The following TNPO3 variants were observed in gnomAD, a reference collection of about 807,000 sequenced individuals.
The protein encoded by TNPO3 is transportin 3, also known as transportin-3.
TNPO3 carries 65 observed loss-of-function variants against 122.8 expected under a neutral mutation model. The ratio of observed to expected loss-of-function variants is 0.53; its 90% CI spans 0.43 to 0.65. The LOEUF (loss-of-function observed/expected upper bound fraction) is 0.65, where lower values mean the gene tolerates loss of function less well. TNPO3 is among the 30% of genes least tolerant of loss of function. TNPO3 has a pLI of 0.00. For missense variants in TNPO3, 850 were observed against 1,136.7 expected, an observed-to-expected ratio of 0.75 and a Z score of 3.63; for synonymous variants, 372 against 411.2, an observed-to-expected ratio of 0.90 and a Z score of 1.15.
intron 1 of TNPO3, among the ~76,000 whole-genome samples, chr7:129,040,489 T>G (rs1031586326): frequency 3.9e-5 from 6 of 152,158 alleles, no homozygotes; most frequent in African/African-American, 1.4e-4. Context: ...GCTAGAGTAA[T>G]AGAATGTACT....
At chr7:128,956,898 A>G (rs540615285) in intron 22 of TNPO3, among the ~76,000 whole-genome samples, 2 of 152,250 alleles carry the variant, frequency 1.3e-5, no homozygotes, top group Admixed American at 1.3e-4. Context: ...AAAAATACTT[A>G]TTTGTTTGTT....
chr7:128,961,367 C>T (rs1797436577), intron 21 of TNPO3, among the ~76,000 whole-genome samples: 1 of 152,040 alleles, frequency 6.6e-6, no homozygotes, highest in Non-Finnish European at 1.5e-5. Context: ...CTACAGTATT[C>T]AGTACAGTAA....
At chr7:128,972,733 AT>A (rs1293056513) in intron 18 of TNPO3, 151 bp from the exon 19 acceptor site, 36 of 657,062 alleles carry the variant, frequency 5.5e-5, no homozygotes, top group South Asian at 8.1e-5. Context: ...AACATAGAGG[AT>A]TTTTTTTGGC....
chr7:129,021,732 A>T (rs553987183), intron 1 of TNPO3, among the ~76,000 whole-genome samples: 4 of 152,210 alleles, frequency 2.6e-5, no homozygotes, highest in Admixed American at 6.5e-5. Flanking sequence ...AACCTAGCCT[A>T]TTACTTCAAA....
chr7:129,032,656 A>G (rs1806082914), intron 1 of TNPO3, among the ~76,000 whole-genome samples: 1 of 152,236 alleles, frequency 6.6e-6, no homozygotes, highest in Non-Finnish European at 1.5e-5. Flanking sequence ...CAAGGAGACA[A>G]AAGACTTGTA....
intron 21 of TNPO3, among the ~76,000 whole-genome samples, chr7:128,961,008 G>A (rs10237174): frequency 0.013 from 2,055 of 152,230 alleles, 32 homozygotes; most frequent in African/African-American, 0.047. Context: ...TGATCTGCCT[G>A]CCTCGGCCTC....
chr7:128,991,968 G>A (rs1210350262), intron 10 of TNPO3, 31 bp downstream of exon 10: 2 of 1,463,456 alleles, frequency 1.4e-6, no homozygotes, highest in Non-Finnish European at 1.9e-6. Context: ...GATATTTAGA[G>A]TTCCCAGCAA....
intron 1 of TNPO3, among the ~76,000 whole-genome samples, chr7:129,052,113 G>A (rs147891169): frequency 1.3e-5 from 2 of 152,300 alleles, no homozygotes; most frequent in East Asian, 3.9e-4. Flanking sequence ...ATATTTTCCA[G>A]ATCCACTTTT....
chr7:129,002,086 C>T lies in TNPO3; in HGVS notation c.697-852G>A, dbSNP rs112459012. 5.5e-3 allele frequency among the ~76,000 whole-genome samples: 834 copies of T among 152,266 alleles called. 13 individuals are homozygous for T. Among genetic ancestry groups the T allele is most frequent in the African/African-American group, 0.019 (799 of 41,554 alleles). On this transcript the variant is annotated intron_variant, in intron 5 of 22. Transcript: ENST00000265388. ...TCAGAGTTCTCTGACTTTTCATTAA[C>T]AATGATGCATGCTAGTAAAGGAGAG...
At chr7:128,990,652 T>A (rs1800651148) in intron 10 of TNPO3, among the ~76,000 whole-genome samples, 1 of 152,034 alleles carries the variant, frequency 6.6e-6, no homozygotes, top group Non-Finnish European at 1.5e-5. Flanking sequence ...AACAAGAAAA[T>A]AAGCTGCAGG....
At chr7:129,033,096 G>A (rs9649521) in intron 1 of TNPO3, among the ~76,000 whole-genome samples, 1 of 151,796 alleles carries the variant, frequency 6.6e-6, no homozygotes, top group East Asian at 1.9e-4. Context: ...AATGGTGCTA[G>A]GAAAACTGAA....
At position 129,018,024 on chromosome 7, in the gene TNPO3, G is replaced by C. The variant is rs1563104400; in HGVS notation, c.254C>G (p.Ser85Cys). The C allele has an allele frequency of 6.2e-7, 1 of 1,614,166 alleles. No homozygotes were observed. Among genetic ancestry groups the C allele is most frequent in the Non-Finnish European group, 8.5e-7 (1 of 1,180,022 alleles). Residue 85 changes from serine to cysteine, a missense_variant, in exon 2 of 23, where the codon TCT (serine) becomes TGT (cysteine). Physicochemically the swap from Ser to Cys is moderately radical, Grantham distance 112. Transcript: ENST00000265388. The part of the protein sequence containing the change: ...FYELPTDSHA[S>C]LRDSLLTHIQ... Reference sequence around the variant, plus strand: ...ATGGGTTAGCAATGAGTCCCGTAAAGAGGCATGAGAGTCTGTGGGGAGCTC... The same window carrying C: ...ATGGGTTAGCAATGAGTCCCGTAAACAGGCATGAGAGTCTGTGGGGAGCTC...
rs186883949 is a variant in TNPO3 at position 129,050,301 on chromosome 7, G to A, written c.120+4350C>T. Among the ~76,000 whole-genome samples the A allele has an allele frequency of 5.9e-3, 876 of 148,758 alleles. 3 individuals carry two copies. Among genetic ancestry groups the A allele is most frequent in the Non-Finnish European group, 9.2e-3 (623 of 67,382 alleles). The stretch of plus-strand genomic sequence containing the variant: ...CTGGAGGCTGAGGCAGGAGAATGGC[G>A]TGAACCCGGGAGGCGGAGCTTGCAG... On this transcript the variant is annotated intron_variant, in intron 1 of 22. Coordinates refer to ENST00000265388, the MANE Select transcript of TNPO3 (RefSeq NM_012470.4).
chr7:129,000,140 G>T (rs1321267875), intron 7 of TNPO3, among the ~76,000 whole-genome samples: 1 of 152,124 alleles, frequency 6.6e-6, no homozygotes, highest in Non-Finnish European at 1.5e-5. Flanking sequence ...TAACACTCTA[G>T]AGAATAAGTC....
intron 16 of TNPO3, among the ~76,000 whole-genome samples, chr7:128,978,389 A>AT (rs891094258): frequency 3.9e-5 from 6 of 152,146 alleles, no homozygotes; most frequent in Non-Finnish European, 7.4e-5. Context: ...GACTTGCTAC[A>AT]TTTTTTCCCC....
intron 12 of TNPO3, 100 bp downstream of exon 12, chr7:128,986,629 C>A (rs772353920): frequency 8.8e-7 from 1 of 1,132,354 alleles, no homozygotes; most frequent in Non-Finnish European, 1.3e-6. Flanking sequence ...TTCTTAAACA[C>A]TAAGTACATT....
intron 3 of TNPO3, 117 bp from the exon 4 acceptor site, chr7:129,015,252 G>T: frequency 1.0e-6 from 1 of 1,001,562 alleles, no homozygotes; most frequent in Non-Finnish European, 1.4e-6. Context: ...CCACTGTTAA[G>T]GGGGAGAAAA....
intron 1 of TNPO3, among the ~76,000 whole-genome samples, chr7:129,054,383 CAA>C (rs1809207741): frequency 6.6e-6 from 1 of 152,124 alleles, no homozygotes; most frequent in South Asian, 2.1e-4. Flanking sequence ...AGAACTTAAA[CAA>C]GATTAGATTG....
intron 3 of TNPO3, among the ~76,000 whole-genome samples, chr7:129,016,323 G>T (rs750859457): frequency 7.9e-5 from 12 of 152,158 alleles, no homozygotes; most frequent in Non-Finnish European, 1.6e-4. Flanking sequence ...GAACCCAGGA[G>T]GTGGAGGTTG....
Sources: gnomAD v4.1 joint callset for allele counts (sites outside exome capture counted in the v4.1 genomes callset) on GRCh38, gnomAD v4.1.1 for gene constraint, MANE v1.5 for transcripts, NCBI Gene and HGNC (gene_info 2026-07-23, HGNC 2026-07-21) for gene names.